SGCD: variants seen among roughly 807,000 people sequenced by gnomAD.
SGCD encodes sarcoglycan delta, also known as delta-sarcoglycan.
Under a neutral mutation model 36.6 loss-of-function variants are expected in SGCD, and 18 were observed. The observed-to-expected ratio is 0.49, with a 90% CI of 0.34 to 0.73. The LOEUF is 0.73. Among genes scored for constraint, SGCD ranks in the 30% least tolerant of loss-of-function variants. The pLI is 0.01. For missense variants in SGCD, 387 were observed against 346.7 expected (o/e 1.12, Z -0.92); for synonymous variants, 133 against 130.6 (o/e 1.02, Z -0.12).
intron 3 of SGCD, among the ~76,000 whole-genome samples, chr5:156,264,929 G>A (rs1230527391): frequency 6.6e-6 from 1 of 152,112 alleles, no homozygotes; most frequent in Non-Finnish European, 1.5e-5. Flanking sequence ...TCTGCAGCTG[G>A]AATGAGAAGC....
intron 3 of SGCD, among the ~76,000 whole-genome samples, chr5:156,125,923 G>C (rs774286209): frequency 1.3e-5 from 2 of 149,668 alleles, no homozygotes; most frequent in Admixed American, 6.7e-5. Context: ...TGTTGCCCAG[G>C]CTGGAGTACA....
intron 1 of SGCD, among the ~76,000 whole-genome samples, chr5:156,000,156 T>C (rs1010040144): frequency 5.3e-5 from 8 of 152,218 alleles, no homozygotes; most frequent in Non-Finnish European, 8.8e-5. Context: ...GCCCAGTCCA[T>C]GTATCTAGGT....
chr5:155,973,124 T>G (rs1758040364), intron 1 of SGCD, among the ~76,000 whole-genome samples: 1 of 152,186 alleles, frequency 6.6e-6, no homozygotes, highest in Admixed American at 6.5e-5. Flanking sequence ...AAGTCTGATT[T>G]TACAATATTT....
the SGCD span, among the ~76,000 whole-genome samples, chr5:155,753,672 A>C: frequency 2.0e-5 from 3 of 152,254 alleles, no homozygotes; most frequent in South Asian, 4.1e-4. Flanking sequence ...TTTAGAGAGG[A>C]ATGTCTCCCA....
chr5:155,936,780 C>G, intron 1 of SGCD, among the ~76,000 whole-genome samples: 1 of 152,214 alleles, frequency 6.6e-6, no homozygotes. Flanking sequence ...TACCACTGTT[C>G]CGTACAGCCC....
At chr5:156,100,164 G>T (rs1761487712) in intron 1 of SGCD, among the ~76,000 whole-genome samples, 1 of 152,108 alleles carries the variant, frequency 6.6e-6, no homozygotes, top group African/African-American at 2.4e-5. Context: ...TTTGTTCAGA[G>T]TTGTTCATGT....
At chr5:156,579,029 G>T (rs1760116829) in intron 4 of SGCD, among the ~76,000 whole-genome samples, 1 of 152,112 alleles carries the variant, frequency 6.6e-6, no homozygotes, top group Non-Finnish European at 1.5e-5. Flanking sequence ...GATCTTTCCT[G>T]CTTTTTCTTG....
chr5:156,149,177 G>T (rs895105441), intron 3 of SGCD, among the ~76,000 whole-genome samples: 3 of 152,098 alleles, frequency 2.0e-5, no homozygotes, highest in Non-Finnish European at 2.9e-5. Flanking sequence ...GAGATGTTTT[G>T]GTACAAGCAT....
chr5:156,024,615 A>G (rs256633), intron 1 of SGCD, among the ~76,000 whole-genome samples: 78,254 of 151,836 alleles, frequency 0.52, 21,086 homozygotes, highest in Admixed American at 0.66. Flanking sequence ...TCTATTTTAG[A>G]TAGTATATTG....
the SGCD span, among the ~76,000 whole-genome samples, chr5:155,863,200 T>C: frequency 1.3e-5 from 2 of 152,300 alleles, no homozygotes; most frequent in East Asian, 3.9e-4. Flanking sequence ...TCCATCCAGA[T>C]ACAGAGCTGT....
At chr5:156,227,644 G>T (rs1203629038) in intron 3 of SGCD, among the ~76,000 whole-genome samples, 1 of 152,000 alleles carries the variant, frequency 6.6e-6, no homozygotes, top group Non-Finnish European at 1.5e-5. Context: ...TGTGAAGAAT[G>T]ATGGTGATAT....
At chr5:155,807,546 C>T in the SGCD span, among the ~76,000 whole-genome samples, 3 of 152,246 alleles carry the variant, frequency 2.0e-5, no homozygotes, top group African/African-American at 7.2e-5. Context: ...AATGATGTTT[C>T]TTATGATAGA....
At chr5:155,765,450 G>GAGAA in the SGCD span, among the ~76,000 whole-genome samples, 1 of 131,822 alleles carries the variant, frequency 7.6e-6, no homozygotes, top group African/African-American at 2.9e-5. Flanking sequence ...GGGTGGGAGG[G>GAGAA]AGGAAGGAAG....
At chr5:155,943,375 C>T (rs1402825681) in intron 1 of SGCD, among the ~76,000 whole-genome samples, 1 of 151,256 alleles carries the variant, frequency 6.6e-6, no homozygotes, top group Admixed American at 6.6e-5. Flanking sequence ...TTAATTACTA[C>T]ATTAATTAGT....
chr5:156,033,482 A>C (rs1394987721), intron 1 of SGCD, among the ~76,000 whole-genome samples: 1 of 152,180 alleles, frequency 6.6e-6, no homozygotes, highest in Non-Finnish European at 1.5e-5. Flanking sequence ...AAGTGAGAAC[A>C]TGCAGTATTT....
intron 3 of SGCD, among the ~76,000 whole-genome samples, chr5:156,211,830 G>T (rs1174595303): frequency 4.6e-5 from 7 of 152,092 alleles, no homozygotes; most frequent in South Asian, 2.1e-4. Context: ...AGATACACAA[G>T]ATAAAAACAA....
chr5:156,506,103 A>G (rs563414571), intron 3 of SGCD, among the ~76,000 whole-genome samples: 8 of 152,316 alleles, frequency 5.3e-5, no homozygotes, highest in Non-Finnish European at 1.0e-4. Context: ...ATTTTTAAAA[A>G]CTAACAAATT....
intron 3 of SGCD, among the ~76,000 whole-genome samples, chr5:156,320,002 A>G (rs1016666229): frequency 2.0e-5 from 3 of 152,160 alleles, no homozygotes; most frequent in Admixed American, 6.5e-5. Context: ...GGATTTGCTC[A>G]ATTATGTCTC....
At chr5:156,437,918 C>T (rs1372342331) in intron 3 of SGCD, among the ~76,000 whole-genome samples, 2 of 152,164 alleles carry the variant, frequency 1.3e-5, no homozygotes, top group African/African-American at 4.8e-5. Context: ...TTTCCAGATA[C>T]ACATTTTCTA....
Sources: allele counts gnomAD v4.1 joint callset (sites outside exome capture counted in the v4.1 genomes callset), GRCh38; gene constraint gnomAD v4.1.1; transcripts MANE v1.5; gene names NCBI Gene and HGNC (gene_info 2026-07-23, HGNC 2026-07-21).